The following CCDC150 variants were observed in gnomAD, a reference collection of about 807,000 sequenced individuals.
CCDC150 encodes the protein coiled-coil domain-containing protein 150.
A neutral mutation model predicts 156.5 loss-of-function variants in CCDC150; 151 were observed. That is an observed-to-expected ratio of 0.97 (90% CI 0.85 to 1.10). CCDC150 has a LOEUF of 1.10. Ranked by LOEUF, CCDC150 falls within the 50% of genes least tolerant of loss-of-function variation. The pLI, the probability that CCDC150 is intolerant of heterozygous loss-of-function variation, is 0.00. For missense variants in CCDC150, 1,312 were observed against 1,268.1 expected, an observed-to-expected ratio of 1.03 and a Z score of -0.53; for synonymous variants, 452 against 429.4, an observed-to-expected ratio of 1.05 and a Z score of -0.65.
At chr2:196,711,642 A>G (rs1697121086) in intron 15 of CCDC150, among the ~76,000 whole-genome samples, 1 of 152,212 alleles carries the variant, frequency 6.6e-6, no homozygotes, top group Non-Finnish European at 1.5e-5. Context: ...ATAATTCAAC[A>G]TATAAGAATT....
At chr2:196,719,819 T>A (rs1697774278) in intron 19 of CCDC150, 153 bp downstream of exon 19, 2 of 513,422 alleles carry the variant, frequency 3.9e-6, no homozygotes, top group South Asian at 8.2e-5. Flanking sequence ...TTAGAGAAAA[T>A]TTAGAATTAG....
chr2:196,652,267 A>G (rs929642655), intron 2 of CCDC150, among the ~76,000 whole-genome samples: 2 of 152,222 alleles, frequency 1.3e-5, no homozygotes, highest in Non-Finnish European at 2.9e-5. Context: ...CCAAGTCTCA[A>G]TTCCAAAGTC....
chr2:196,712,302 GA>G, intron 16 of CCDC150, 50 bp downstream of exon 16: 1 of 980,562 alleles, frequency 1.0e-6, no homozygotes, highest in Non-Finnish European at 1.5e-6. Flanking sequence ...TCGTTTTTAA[GA>G]AATTGTTTGA....
At chr2:196,708,771 A>G (rs1414083901) in intron 15 of CCDC150, among the ~76,000 whole-genome samples, 2 of 152,186 alleles carry the variant, frequency 1.3e-5, no homozygotes, top group East Asian at 1.9e-4. Flanking sequence ...TATGAAGCTT[A>G]ATTTAGCTGG....
At chr2:196,683,975 AT>A (rs1258981625) in intron 13 of CCDC150, among the ~76,000 whole-genome samples, 1 of 151,318 alleles carries the variant, frequency 6.6e-6, no homozygotes. Flanking sequence ...GTTTTTATAG[AT>A]TTTTCTCTAT....
Position 196,657,021 on chromosome 2 carries a change from A to G in CCDC150, c.461A>G (p.His154Arg), listed in dbSNP as rs1181907592. 4 of 1,613,782 alleles carry G rather than the reference A, an allele frequency of 2.5e-6. No homozygotes were observed. Among genetic ancestry groups the G allele is most frequent in the African/African-American group, 1.3e-5 (1 of 75,036 alleles). The change falls in exon 4 of 28, where the codon CAT becomes CGT. Residue 154 changes from histidine to arginine, a missense_variant. His to Arg is a conservative substitution (Grantham distance 29). Coordinates refer to ENST00000389175, the MANE Select transcript of CCDC150 (RefSeq NM_001080539.2). ...CATTCTAAGGACCTGAAGCTGTTGC[A>G]TCTCGAAGTTATGAATTTGCGCCAG... ...EEHSKDLKLLHLEVMNLRQQL... is the reference protein window; with the variant it reads ...EEHSKDLKLLRLEVMNLRQQL...
chr2:196,710,874 T>TC (rs1697065548), intron 15 of CCDC150, among the ~76,000 whole-genome samples: 1 of 152,160 alleles, frequency 6.6e-6, no homozygotes, highest in South Asian at 2.1e-4. Context: ...TAGTTTTTTT[T>TC]TTTAAGTTCA....
chr2:196,683,690 A>G lies in CCDC150; in HGVS notation c.1509+6329A>G, dbSNP rs79369109. Reference sequence around the variant, plus strand: ...TTTCTTTGTTTGGTTTATTATTTTTATTCTTATAGGTCTATGCAGATTTTC... The same window carrying G: ...TTTCTTTGTTTGGTTTATTATTTTTGTTCTTATAGGTCTATGCAGATTTTC... On this transcript the variant is annotated intron_variant, in intron 13 of 27. Transcript: ENST00000389175. Among the ~76,000 whole-genome samples, 1,122 of 151,994 alleles carry G rather than the reference A, an allele frequency of 7.4e-3. 11 individuals are homozygous for G. The highest frequency in any genetic ancestry group is 0.026 in the African/African-American group (1,066 of 41,534).
rs937940033 is a variant in CCDC150 at position 196,695,109 on chromosome 2, G to A, written c.1573G>A (p.Asp525Asn). 44 of 1,612,896 alleles carry A rather than the reference G, an allele frequency of 2.7e-5. No individual in the cohort carries two copies. Among genetic ancestry groups the A allele is most frequent in the Non-Finnish European group, 3.5e-5 (41 of 1,179,164 alleles). The change falls in exon 14 of 28, where the codon GAT becomes AAT. Residue 525 changes from aspartate to asparagine, a missense_variant. Transcript: ENST00000389175. ...TGAAGAAGAGAATAAGCACCTGGCA[G>A]ATCAAATGGCTTCCCTAGAACTTCA... is the stretch of plus-strand genomic sequence containing the variant. The part of the protein sequence containing the change: ...TLEEENKHLA[D>N]QMASLELQQV...
chr2:196,680,870 C>G (rs1275091216), intron 13 of CCDC150, among the ~76,000 whole-genome samples: 1 of 152,168 alleles, frequency 6.6e-6, no homozygotes, highest in Non-Finnish European at 1.5e-5. Context: ...GTCTCCACAT[C>G]CTTACTAACA....
chr2:196,713,758 T>C (rs1345303206), intron 17 of CCDC150: 4 of 1,351,436 alleles, frequency 3.0e-6, no homozygotes, highest in Non-Finnish European at 3.8e-6. Flanking sequence ...TCCAGAAATA[T>C]AATGCTTGAA....
chr2:196,687,109 T>C (rs1056684938), intron 13 of CCDC150, among the ~76,000 whole-genome samples: 1 of 152,198 alleles, frequency 6.6e-6, no homozygotes. Flanking sequence ...TGATGTATAT[T>C]CCTTTGGGTA....
chr2:196,690,978 T>G (rs991542062), intron 13 of CCDC150, among the ~76,000 whole-genome samples: 6 of 152,212 alleles, frequency 3.9e-5, no homozygotes, highest in Admixed American at 2.0e-4. Flanking sequence ...GGTTTTTCTC[T>G]TTAGTTCTGT....
In CCDC150 at chr2:196,709,352, A is replaced by T. The variant is rs147433326; in HGVS notation, c.1696-2793A>T. Among the ~76,000 whole-genome samples the T allele has an allele frequency of 9.1e-4, 138 of 152,242 alleles. No homozygotes were observed. The East Asian group carries it at 0.017, about 19-fold the overall frequency. ...TTCTCGTGCCATGGTTTTCAGCTCC[A>T]TCAGGTCATTTATGGTCTTCTCTAC... On this transcript the variant is annotated intron_variant, in intron 15 of 27. Transcript: ENST00000389175.
intron 7 of CCDC150, among the ~76,000 whole-genome samples, chr2:196,668,780 T>G (rs1174662410): frequency 1.3e-5 from 2 of 152,214 alleles, no homozygotes; most frequent in East Asian, 1.9e-4. Context: ...AACACTCCCC[T>G]TTCATTCTTA....
Position 196,646,362 on chromosome 2 carries a change from T to C in CCDC150, c.34T>C (p.Ser12Pro). The change falls in exon 2 of 28, where the codon TCC (serine) becomes CCC (proline). Residue 12 changes from serine to proline, a missense_variant. Transcript: ENST00000389175. ...DCKVHMETTV[S>P]RPVLSPTHIN... ...TTAGGTACATATGGAAACTACAGTG[T>C]CCAGACCGGTCCTTTCTCCAACCCA... The C allele has an allele frequency of 6.2e-7, 1 of 1,613,878 alleles. No individual in the cohort carries two copies. Among genetic ancestry groups the C allele is most frequent in the Non-Finnish European group, 8.5e-7 (1 of 1,179,762 alleles).
chr2:196,685,107 TTTTG>T, intron 13 of CCDC150, among the ~76,000 whole-genome samples: 1 of 152,146 alleles, frequency 6.6e-6, no homozygotes, highest in Non-Finnish European at 1.5e-5. Flanking sequence ...GTTTTTTGCT[TTTTG>T]TTCCTCTATT....
At chr2:196,670,166 A>G (rs1694117553) in intron 8 of CCDC150, among the ~76,000 whole-genome samples, 1 of 152,210 alleles carries the variant, frequency 6.6e-6, no homozygotes, top group Admixed American at 6.5e-5. Context: ...TGTAAGAAAT[A>G]TAACTACTTT....
chr2:196,648,045 G>A (rs1692646578), intron 2 of CCDC150, among the ~76,000 whole-genome samples: 1 of 152,060 alleles, frequency 6.6e-6, no homozygotes, highest in African/African-American at 2.4e-5. Flanking sequence ...CCTATTGATG[G>A]GCATTTAGGT....
Sources: gnomAD v4.1 joint callset for allele counts (sites outside exome capture counted in the v4.1 genomes callset) on GRCh38, gnomAD v4.1.1 for gene constraint, MANE v1.5 for transcripts, NCBI Gene and HGNC (gene_info 2026-07-23, HGNC 2026-07-21) for gene names.